Variants in PHEX observed in about 807,000 individuals in gnomAD.
The protein encoded by PHEX is phosphate-regulating neutral endopeptidase PHEX.
Under a neutral mutation model 68.0 loss-of-function variants are expected in PHEX, and 16 were observed. That is an observed-to-expected ratio of 0.24 (90% CI 0.16 to 0.36). The LOEUF (loss-of-function observed/expected upper bound fraction) is 0.36, where lower values mean the gene tolerates loss of function less well. PHEX is among the 10% of genes least tolerant of loss of function. PHEX has a pLI of 1.00. For missense variants in PHEX, 480 were observed against 575.5 expected (o/e 0.83, Z 1.70); for synonymous variants, 208 against 205.1 (o/e 1.01, Z -0.12).
chrX:22,238,455 C>A (rs1006451052), intron 20 of PHEX, among the ~76,000 whole-genome samples: 1 of 110,632 alleles, frequency 9.0e-6, no homozygotes, highest in Non-Finnish European at 1.9e-5. Flanking sequence ...CCAGGAGATT[C>A]CTTACAGTAC....
Position 22,068,252 on chromosome X carries a change from C to T in PHEX, c.350-8136C>T, listed in dbSNP as rs929839097. 6.3e-5 allele frequency among the ~76,000 whole-genome samples: 7 copies of T among 111,916 alleles called. No homozygotes were observed. The Admixed American group carries it at 6.7e-4, about 11-fold the overall frequency. ...ACCAGCCAACTTTGTTCTGTTCTAA[C>T]CTCACCAGGCCTCCTACCTCTGGTT... is the stretch of plus-strand genomic sequence containing the variant. On this transcript the variant is annotated intron_variant, in intron 3 of 21. Transcript: ENST00000379374.
chrX:22,043,033 C>G (rs778848257), intron 2 of PHEX, among the ~76,000 whole-genome samples: 1 of 112,147 alleles, frequency 8.9e-6, no homozygotes, highest in African/African-American at 3.2e-5. Flanking sequence ...ATATGTTTCC[C>G]TATAGAAACA....
chrX:22,194,858 A>C (rs758914976), intron 15 of PHEX, among the ~76,000 whole-genome samples: 3 of 112,387 alleles, frequency 2.7e-5, no homozygotes, highest in Non-Finnish European at 5.6e-5. Context: ...TAATGATTTA[A>C]ATCTGCTGTA....
chrX:22,036,204 C>T (rs1045176609), intron 1 of PHEX, among the ~76,000 whole-genome samples: 56 of 106,903 alleles, frequency 5.2e-4, no homozygotes, highest in Non-Finnish European at 9.4e-4. Flanking sequence ...GGATTACAGG[C>T]GTGCACCACC....
At chrX:22,048,877 C>G (rs1927678721) in intron 3 of PHEX, among the ~76,000 whole-genome samples, 1 of 111,936 alleles carries the variant, frequency 8.9e-6, no homozygotes, top group Non-Finnish European at 1.9e-5. Context: ...AAATCCGTCA[C>G]AAGAAATAAC....
chrX:22,198,969 G>A (rs1178378211), intron 15 of PHEX, among the ~76,000 whole-genome samples: 1 of 111,163 alleles, frequency 9.0e-6, no homozygotes, highest in African/African-American at 3.3e-5. Flanking sequence ...GCAAGAGAGT[G>A]TATGCAGGGG....
chrX:22,228,550 A>T (rs1307640523), intron 20 of PHEX, among the ~76,000 whole-genome samples: 3 of 111,468 alleles, frequency 2.7e-5, no homozygotes, highest in Middle Eastern at 4.7e-3. Flanking sequence ...AATGTCAACA[A>T]AACTCAACTC....
At chrX:22,151,772 C>T (rs1205848200) in intron 12 of PHEX, among the ~76,000 whole-genome samples, 1 of 111,807 alleles carries the variant, frequency 8.9e-6, no homozygotes, top group Non-Finnish European at 1.9e-5. Flanking sequence ...TACTTTCTTG[C>T]CTTGCCTTTT....
At chrX:22,044,542 C>T (rs1927424254) in intron 2 of PHEX, among the ~76,000 whole-genome samples, 1 of 109,260 alleles carries the variant, frequency 9.2e-6, no homozygotes, top group Non-Finnish European at 1.9e-5. Flanking sequence ...AAACCTGTCT[C>T]TACTAAAAAT....
At chrX:22,227,926 T>TAATA (rs1476154757) in intron 20 of PHEX, among the ~76,000 whole-genome samples, 1 of 111,783 alleles carries the variant, frequency 8.9e-6, no homozygotes, top group Non-Finnish European at 1.9e-5. Context: ...TAACCATTTC[T>TAATA]AGTAACTTGC....
At chrX:22,112,924 C>CT (rs1448760888) in intron 10 of PHEX, among the ~76,000 whole-genome samples, 2 of 108,997 alleles carry the variant, frequency 1.8e-5, no homozygotes, top group Non-Finnish European at 3.8e-5. Flanking sequence ...GAAAAAAAGT[C>CT]TTTTTTACAG....
chrX:22,143,861 C>T (rs909273252), intron 12 of PHEX, among the ~76,000 whole-genome samples: 2 of 112,281 alleles, frequency 1.8e-5, no homozygotes, highest in African/African-American at 3.2e-5. Context: ...GCAATAGCAT[C>T]GTAGTGTTTA....
At chrX:22,245,235 T>C in intron 20 of PHEX, 98 bp from the exon 21 acceptor site, 1 of 641,964 alleles carries the variant, frequency 1.6e-6, no homozygotes, top group Admixed American at 2.2e-5. Context: ...ATCCATTGGT[T>C]CTAAAATTGT....
intron 20 of PHEX, among the ~76,000 whole-genome samples, chrX:22,230,229 C>CTTTTTTT (rs140475343): frequency 2.7e-4 from 3 of 10,939 alleles, no homozygotes; most frequent in Non-Finnish European, 5.4e-4. Context: ...TATATGGGCT[C>CTTTTTTT]TTTTTTTTTT....
chrX:22,212,424 T>C (rs1934958000), intron 15 of PHEX, among the ~76,000 whole-genome samples: 1 of 111,761 alleles, frequency 8.9e-6, no homozygotes, highest in Non-Finnish European at 1.9e-5. Context: ...ACACACATGT[T>C]CCATTGTCCC....
intron 2 of PHEX, among the ~76,000 whole-genome samples, chrX:22,044,285 T>C (rs924195088): frequency 9.0e-6 from 1 of 111,344 alleles, no homozygotes; most frequent in African/African-American, 3.3e-5. Context: ...GACTGAGACG[T>C]GTGATCCATG....
At position 22,232,802 on chromosome X, in the gene PHEX, G is replaced by A. The variant is rs1482467026; in HGVS notation, c.2070+5191G>A. ...GGGCATTTAGCCCATTTACATTTAAGGTTAATATTGTTACGTGTGAATTTG... is the reference window on the plus strand; with the variant it reads ...GGGCATTTAGCCCATTTACATTTAAAGTTAATATTGTTACGTGTGAATTTG... On this transcript the variant is annotated intron_variant, in intron 20 of 21. Transcript: ENST00000379374. Among the ~76,000 whole-genome samples the A allele has an allele frequency of 7.3e-5, 8 of 108,983 alleles. No homozygotes were observed. In the East Asian group the frequency reaches 2.3e-3, roughly 31 times the overall value. 94.6% of individuals were successfully genotyped at this position (108,983 alleles called of 115,157 possible).
At chrX:22,145,794 T>C (rs1294800111) in intron 12 of PHEX, among the ~76,000 whole-genome samples, 2 of 111,966 alleles carry the variant, frequency 1.8e-5, no homozygotes, top group Middle Eastern at 4.2e-3. Flanking sequence ...TAGGCTGTTT[T>C]TATAAAAAAG....
In PHEX at chrX:22,150,595, A is replaced by T. The variant is rs190427015; in HGVS notation, c.1404+16971A>T. Reference sequence around the variant, plus strand: ...AATTTGTCTTACAGGCCGTGAGCCAATAAAACTTTATTTATAACACCAGGC... The same window carrying T: ...AATTTGTCTTACAGGCCGTGAGCCATTAAAACTTTATTTATAACACCAGGC... On this transcript the variant is annotated intron_variant, in intron 12 of 21. Coordinates refer to ENST00000379374, the MANE Select transcript of PHEX (RefSeq NM_000444.6). 1.1e-3 allele frequency among the ~76,000 whole-genome samples: 119 copies of T among 112,202 alleles called. 2 individuals carry two copies. Among genetic ancestry groups the T allele is most frequent in the East Asian group, 4.2e-3 (15 of 3,581 alleles).
Sources: allele counts gnomAD v4.1 joint callset (sites outside exome capture counted in the v4.1 genomes callset), GRCh38; gene constraint gnomAD v4.1.1; transcripts MANE v1.5; gene names NCBI Gene and HGNC (gene_info 2026-07-23, HGNC 2026-07-21).